Variants in TMED10 observed in about 807,000 individuals in gnomAD.
TMED10 encodes the protein transmembrane emp24 domain-containing protein 10.
TMED10 carries 7 observed loss-of-function variants against 23.1 expected under a neutral mutation model. The observed-to-expected ratio is 0.30, with a 90% CI of 0.17 to 0.57. The LOEUF is 0.57. Among genes scored for constraint, TMED10 ranks in the 20% least tolerant of loss-of-function variants. TMED10 has a pLI of 0.91. For missense variants in TMED10, 162 were observed against 274.8 expected (o/e 0.59, Z 2.90); for synonymous variants, 113 against 106.9 (o/e 1.06, Z -0.35).
At chr14:75,173,131 A>G (rs1476937185) in intron 1 of TMED10, among the ~76,000 whole-genome samples, 1 of 152,222 alleles carries the variant, frequency 6.6e-6, no homozygotes, top group Non-Finnish European at 1.5e-5. Flanking sequence ...CATGCCTGTA[A>G]TCCGAGCACT....
intron 1 of TMED10, among the ~76,000 whole-genome samples, chr14:75,170,958 C>G (rs1472330535): frequency 6.6e-6 from 1 of 152,124 alleles, no homozygotes; most frequent in Non-Finnish European, 1.5e-5. Context: ...TGGGCTATTA[C>G]CACCCGGGTA....
chr14:75,176,104 C>G (rs1896301232), intron 1 of TMED10: 2 of 560,462 alleles, frequency 3.6e-6, no homozygotes, highest in Non-Finnish European at 6.4e-6. Context: ...GACAACCGCC[C>G]CAGCTCAGGT....
At chr14:75,173,381 A>G (rs1001366853) in intron 1 of TMED10, among the ~76,000 whole-genome samples, 2 of 151,102 alleles carry the variant, frequency 1.3e-5, no homozygotes, top group African/African-American at 4.9e-5. Flanking sequence ...GGGAGGAAGA[A>G]AGGAAGGAAG....
intron 3 of TMED10, among the ~76,000 whole-genome samples, chr14:75,137,842 G>A (rs1895772241): frequency 6.6e-6 from 1 of 151,792 alleles, no homozygotes; most frequent in South Asian, 2.1e-4. Flanking sequence ...CTGAGTAGCT[G>A]GGATTACAGG....
intron 1 of TMED10, chr14:75,176,152 G>A (rs922889880): frequency 6.3e-6 from 4 of 631,134 alleles, no homozygotes; most frequent in Non-Finnish European, 1.1e-5. Context: ...CCCTTCTTGG[G>A]GTTCCCAGGC....
chr14:75,171,861 A>G (rs865884286), intron 1 of TMED10, among the ~76,000 whole-genome samples: 8 of 152,190 alleles, frequency 5.3e-5, no homozygotes, highest in African/African-American at 1.9e-4. Context: ...AATAAGGGGC[A>G]CAAAAAGTAC....
intron 1 of TMED10, chr14:75,176,103 C>T: frequency 1.8e-6 from 1 of 559,622 alleles, no homozygotes; most frequent in East Asian, 3.1e-5. Context: ...TGACAACCGC[C>T]CCAGCTCAGG....
At chr14:75,146,066 C>G (rs918752865) in intron 3 of TMED10, among the ~76,000 whole-genome samples, 1 of 152,044 alleles carries the variant, frequency 6.6e-6, no homozygotes, top group African/African-American at 2.4e-5. Context: ...AAAAATTTTT[C>G]AATTTACTCA....
intron 3 of TMED10, chr14:75,139,054 A>G (rs530880096): frequency 4.1e-5 from 17 of 418,180 alleles, no homozygotes; most frequent in African/African-American, 3.3e-4. Flanking sequence ...AAGCAAAGAG[A>G]ATATAAACCA....
rs1362080486 is a variant in TMED10, at chr14:75,134,437, C to A, written c.*448G>T. The A allele has an allele frequency of 1.3e-5, 2 of 158,538 alleles. No individual in the cohort carries two copies. The highest frequency in any genetic ancestry group is 2.8e-5 in the Non-Finnish European group (2 of 71,416). 9.8% of individuals were successfully genotyped at this position (158,538 alleles called of 1,614,324 possible). On this transcript the variant is annotated 3_prime_UTR_variant, in exon 5 of 5. Transcript: ENST00000303575. ...GTAAAGAGAAAGTTAAGGGTGTTTT[C>A]ACAAGGAAATTGAAAGAGGGCAATC... is the stretch of plus-strand genomic sequence containing the variant.
chr14:75,136,672 ATT>A (rs1429811616), intron 3 of TMED10: 1 of 152,230 alleles, frequency 6.6e-6, no homozygotes, highest in African/African-American at 2.4e-5. Context: ...CAATTAGAGA[ATT>A]CTGGTTCATA....
Position 75,152,017 on chromosome 14 carries a change from C to G in TMED10, c.337+15G>C. On this transcript the variant is annotated intron_variant, in intron 2 of 4. Transcript: ENST00000303575. Reference sequence around the variant, plus strand: ...AGAAGATTCTTAATCCAGAGAAACACTCTTGATTACTCACCCTTGCTCTCA... The same window carrying G: ...AGAAGATTCTTAATCCAGAGAAACAGTCTTGATTACTCACCCTTGCTCTCA... The G allele has an allele frequency of 6.2e-7, 1 of 1,604,766 alleles. No individual in the cohort carries two copies. The highest frequency in any genetic ancestry group is 8.5e-7 in the Non-Finnish European group (1 of 1,171,816).
In TMED10 at chr14:75,147,753, A is replaced by G. The variant is rs1307745439; in HGVS notation, c.338-16T>C. 1 of 1,613,902 alleles carries G rather than the reference A, an allele frequency of 6.2e-7. No homozygotes were observed. Among genetic ancestry groups the G allele is most frequent in the African/African-American group, 1.3e-5 (1 of 75,000 alleles). On this transcript the variant is annotated splice_polypyrimidine_tract_variant and intron_variant, in intron 2 of 4. Transcript: ENST00000303575. ...CGCCCTGTTCCTGAGAAAGAAATCA[A>G]AGGAATCATTGTGTGAAATACTTAA...
At chr14:75,150,925 CAG>C (rs888363368) in intron 2 of TMED10, among the ~76,000 whole-genome samples, 2 of 152,160 alleles carry the variant, frequency 1.3e-5, no homozygotes, top group African/African-American at 2.4e-5. Context: ...TGTTTTGAGA[CAG>C]AGTCTCGCTC....
At chr14:75,173,695 G>GATAGTAAAGTAAAGTGATAGTAAA (rs1896264566) in intron 1 of TMED10, among the ~76,000 whole-genome samples, 1 of 152,078 alleles carries the variant, frequency 6.6e-6, no homozygotes, top group Non-Finnish European at 1.5e-5. Flanking sequence ...AAAGTGCTAG[G>GATAGTAAAGTAAAGTGATAGTAAA]GTGTGTGCAC....
At chr14:75,171,130 G>A (rs1030228896) in intron 1 of TMED10, among the ~76,000 whole-genome samples, 34 of 152,106 alleles carry the variant, frequency 2.2e-4, no homozygotes, top group Admixed American at 1.4e-3. Context: ...ATAAGGGAAC[G>A]AGGGAGGCAG....
rs554151712 is a variant in TMED10 at position 75,142,698 on chromosome 14, G to A, written c.411+4966C>T. Among the ~76,000 whole-genome samples, 10 of 152,168 alleles carry A rather than the reference G, an allele frequency of 6.6e-5. No individual in the cohort carries two copies. The East Asian group carries it at 1.2e-3, about 18-fold the overall frequency. ...AAAATGATTTATAGTTTATATAGTCGTAAAGACCTGAGACTTGGTAAACAC... is the reference window on the plus strand; with the variant it reads ...AAAATGATTTATAGTTTATATAGTCATAAAGACCTGAGACTTGGTAAACAC... On this transcript the variant is annotated intron_variant, in intron 3 of 4. Transcript: ENST00000303575.
rs773096025 is a variant in TMED10 at position 75,135,747 on chromosome 14, C to A, written c.538+13G>T. 1 of 1,611,984 alleles carries A rather than the reference C, an allele frequency of 6.2e-7. No homozygotes were observed. Among genetic ancestry groups the A allele is most frequent in the African/African-American group, 1.3e-5 (1 of 74,778 alleles). On this transcript the variant is annotated intron_variant, in intron 4 of 4. Transcript: ENST00000303575. ...TGGGTCACTTAAGAAGTAAGAGTCG[C>A]CTTCCCCCTCACCGTTGGTATCACG...
intron 3 of TMED10, among the ~76,000 whole-genome samples, chr14:75,139,590 C>A (rs1594864611): frequency 6.9e-6 from 1 of 145,908 alleles, no homozygotes; most frequent in African/African-American, 2.5e-5. Flanking sequence ...GAGCCAAGAT[C>A]ATGCCACTAT....
Sources: gnomAD v4.1 joint callset for allele counts (sites outside exome capture counted in the v4.1 genomes callset) on GRCh38, gnomAD v4.1.1 for gene constraint, MANE v1.5 for transcripts, NCBI Gene and HGNC (gene_info 2026-07-23, HGNC 2026-07-21) for gene names.